SCAF1: variants seen among roughly 807,000 people sequenced by gnomAD.
The protein encoded by SCAF1 is splicing factor, arginine/serine-rich 19.
SCAF1 carries 28 observed loss-of-function variants against 91.2 expected under a neutral mutation model. The observed-to-expected ratio is 0.31, with a 90% CI of 0.23 to 0.42. The LOEUF (loss-of-function observed/expected upper bound fraction) is 0.42. Ranked by LOEUF, SCAF1 falls within the 10% of genes least tolerant of loss-of-function variation. The pLI is 1.00. For synonymous variants in SCAF1, 1,036 were observed against 833.7 expected, an observed-to-expected ratio of 1.24 and a Z score of -4.18; for missense variants, 1,893 against 1,872.1, an observed-to-expected ratio of 1.01 and a Z score of -0.21.
chr19:49,652,714 G>T lies in SCAF1; in HGVS notation c.2325G>T (p.Gly775=), dbSNP rs1382983514. The T allele has an allele frequency of 1.9e-6, 3 of 1,589,892 alleles. No individual in the cohort carries two copies. Among genetic ancestry groups the T allele is most frequent in the Non-Finnish European group, 2.6e-6 (3 of 1,168,566 alleles). ...GGTCTCGTCGGAAGGCGCTGGACGG[G>T]GGTGACCGGGATCGGGACAGGGACA... The part of the protein sequence containing the change: ...EKGSRRKALD[G]GDRDRDRDRD... The change falls in exon 7 of 11, where the codon GGG becomes GGT. Residue 775 remains glycine (G), a synonymous_variant. Transcript: ENST00000360565.
Position 49,646,090 on chromosome 19 carries a change from A to T in SCAF1, c.167-18A>T, listed in dbSNP as rs762804463. On this transcript the variant is annotated intron_variant, in intron 3 of 10. Transcript: ENST00000360565. This position sits in a 1 kb window ranked among gnomAD's most constrained non-coding sequence, Gnocchi z 5.6. ...GCAAGTCCCCTGTGTCCAATCCCCC[A>T]TGCAAATCTCTCACCAGATGGCTCT... is the stretch of plus-strand genomic sequence containing the variant. 4 of 1,608,964 alleles carry T rather than the reference A, an allele frequency of 2.5e-6. No individual in the cohort carries two copies. Among genetic ancestry groups the T allele is most frequent in the Non-Finnish European group, 3.4e-6 (4 of 1,177,562 alleles).
rs1158377220 is a variant in SCAF1, at chr19:49,654,657, C to T, written c.3405C>T (p.Leu1135=). Residue 1135 remains leucine (L), a synonymous_variant, in exon 9 of 11, where the codon CTC becomes CTT. Transcript: ENST00000360565. ...CCTCTGTCCTCGTCCCACAGATCCT[C>T]AGCCACAGAAAGCCACCCTCAAGTC... ...QELIQATNQI[L]SHRKPPSSLG... is the part of the protein sequence containing the mutation. The T allele has an allele frequency of 1.2e-6, 2 of 1,612,164 alleles. No homozygotes were observed. Among genetic ancestry groups the T allele is most frequent in the East Asian group, 2.2e-5 (1 of 44,832 alleles).
Position 49,651,850 on chromosome 19 carries a change from G to C in SCAF1, c.1461G>C (p.Leu487=). Residue 487 remains leucine, a synonymous_variant, in exon 7 of 11, where the codon CTG becomes CTC. Transcript: ENST00000360565. ...WGGLDLRRKI[L]TQRRERYRQR... ...GCCTGGACCTGCGCCGCAAGATCCT[G>C]ACCCAACGGCGGGAGCGCTACCGCC... 1 of 1,254,784 alleles carries C rather than the reference G, an allele frequency of 8.0e-7. No homozygotes were observed. The highest frequency in any genetic ancestry group is 2.1e-5 in the South Asian group (1 of 48,286). 77.7% of individuals were successfully genotyped at this position (1,254,784 alleles called of 1,614,324 possible). A position where few individuals can be genotyped will look rare whatever the true frequency, so the allele number is the denominator to read the frequency against.
chr19:49,651,741 C>T lies in SCAF1; in HGVS notation c.1352C>T (p.Ala451Val). ...PEGDDFLSLH[A>V]ESDGEGALQV... ...GGGGACGACTTCTTGTCCCTGCATG[C>T]GGAGTCGGACGGCGAGGGCGCCCTG... The change falls in exon 7 of 11, where the codon GCG becomes GTG. Residue 451 changes from alanine (A) to valine (V), a missense_variant. By Grantham distance (64) the Ala-to-Val change is moderately conservative. Around this residue, in one of 5 missense-constraint regions of SCAF1, gnomAD observed 1,436 missense variants for 1,306.8 expected, o/e 1.10. Transcript: ENST00000360565. 2 of 1,344,024 alleles carry T rather than the reference C, an allele frequency of 1.5e-6. No homozygotes were observed. Among genetic ancestry groups the T allele is most frequent in the Non-Finnish European group, 1.9e-6 (2 of 1,055,284 alleles). 83.3% of individuals were successfully genotyped at this position (1,344,024 alleles called of 1,614,324 possible).
intron 1 of SCAF1, among the ~76,000 whole-genome samples, chr19:49,643,214 T>C (rs992189366): frequency 1.3e-5 from 2 of 152,208 alleles, no homozygotes; most frequent in Non-Finnish European, 2.9e-5. Context: ...TGGAAGAGTC[T>C]GGAGGGTCAT....
Position 49,646,342 on chromosome 19 carries a change from T to TG in SCAF1, c.261+145dup, listed in dbSNP as rs901635931. ...TGACCAGGGGCAATGTTGGAGAGTC[T>TG]GGGGGCCTGATCTGTGGGCCTGAGC... On this transcript the variant is annotated intron_variant, in intron 4 of 10. Coordinates refer to ENST00000360565, the MANE Select transcript of SCAF1 (RefSeq NM_021228.3). The surrounding 1 kb of genome is among the most constrained non-coding windows in gnomAD (Gnocchi z 5.6). 5.7e-6 allele frequency: 5 copies of TG among 874,860 alleles called. No homozygotes were observed. The African/African-American group carries it at 8.5e-5, about 15-fold the overall frequency. 54.2% of individuals were successfully genotyped at this position (874,860 alleles called of 1,614,324 possible). A position where few individuals can be genotyped will look rare whatever the true frequency, so the allele number is the denominator to read the frequency against.
intron 6 of SCAF1, among the ~76,000 whole-genome samples, chr19:49,650,254 C>G (rs527257607): frequency 3.6e-4 from 55 of 152,270 alleles, no homozygotes; most frequent in African/African-American, 1.3e-3. Context: ...TCCTGGGCTC[C>G]CCAGCTCTGC....
Position 49,652,261 on chromosome 19 carries a change from C to T in SCAF1, c.1872C>T (p.Ser624=). ...CCCCGGCCACTTCCTCATCGTCGTCCTCGAGGCGCGAGCGGCACCGCGGGA... is the reference window on the plus strand; with the variant it reads ...CCCCGGCCACTTCCTCATCGTCGTCTTCGAGGCGCGAGCGGCACCGCGGGA... ...SPPPATSSSS[S]SRRERHRGKH... The change falls in exon 7 of 11, where the codon TCC becomes TCT. Residue 624 remains serine (S), a synonymous_variant. Transcript: ENST00000360565. 1 of 1,451,812 alleles carries T rather than the reference C, an allele frequency of 6.9e-7. No individual in the cohort carries two copies. The highest frequency in any genetic ancestry group is 2.8e-5 in the East Asian group (1 of 35,560). The allele number at this position is 1,451,812 out of a possible 1,614,324, so 89.9% of individuals were successfully genotyped here.
chr19:49,646,098 C>T lies in SCAF1; in HGVS notation c.167-10C>T, dbSNP rs764340783. The T allele has an allele frequency of 6.8e-6, 11 of 1,610,712 alleles. No homozygotes were observed. The highest frequency in any genetic ancestry group is 9.3e-6 in the Non-Finnish European group (11 of 1,178,764). On this transcript the variant is annotated splice_polypyrimidine_tract_variant and intron_variant, in intron 3 of 10. Coordinates refer to ENST00000360565, the MANE Select transcript of SCAF1 (RefSeq NM_021228.3). The surrounding 1 kb of genome is among the most constrained non-coding windows in gnomAD (Gnocchi z 5.6). ...CCTGTGTCCAATCCCCCATGCAAATCTCTCACCAGATGGCTCTCGGTGTCA... is the reference window on the plus strand; with the variant it reads ...CCTGTGTCCAATCCCCCATGCAAATTTCTCACCAGATGGCTCTCGGTGTCA...
chr19:49,657,528 A>G (rs933154046), intron 9 of SCAF1, among the ~76,000 whole-genome samples: 2 of 152,234 alleles, frequency 1.3e-5, no homozygotes, highest in Non-Finnish European at 2.9e-5. Context: ...GGAGCAGCCC[A>G]GGGTTCGGCC....
At chr19:49,644,890 G>A (rs2081045727) in intron 1 of SCAF1, 131 bp from the exon 2 acceptor site, 1 of 645,846 alleles carries the variant, frequency 1.5e-6, no homozygotes, top group Non-Finnish European at 2.7e-6. Context: ...GGAGGAGGTG[G>A]AGGAGAGGAG....
chr19:49,651,008 T>TGCCCGGG lies in SCAF1; in HGVS notation c.619_620insGCCCGGG (p.Ser207CysfsTer25). 1.7e-6 allele frequency: 1 copy of TGCCCGGG among 583,742 alleles called. No homozygotes were observed. 36.2% of individuals were successfully genotyped at this position (583,742 alleles called of 1,614,324 possible). ...CCCTTCTCCCTCATCTTCCTCCCCT[T>TGCCCGGG]CCCCTCCCCCACCCCCACCGCCCCC... On this transcript the variant is annotated frameshift_variant, in exon 7 of 11. Coordinates refer to ENST00000360565, the MANE Select transcript of SCAF1 (RefSeq NM_021228.3). LOFTEE classifies it high-confidence loss of function.
At chr19:49,658,081 A>G in intron 10 of SCAF1, 127 bp from the exon 11 acceptor site, 1 of 1,230,748 alleles carries the variant, frequency 8.1e-7, no homozygotes, top group Non-Finnish European at 1.1e-6. Context: ...GTCTAGGGGG[A>G]CAGAGGGACT....
rs1192563571 is a variant in SCAF1 at position 49,653,394 on chromosome 19, C to T, written c.3005C>T (p.Pro1002Leu). The change falls in exon 7 of 11, where the codon CCT becomes CTT. Residue 1002 changes from proline to leucine, a missense_variant. Coordinates refer to ENST00000360565, the MANE Select transcript of SCAF1 (RefSeq NM_021228.3). ...SQTVDSSCKT[P>L]EVSFLPEEAT... ...ACCGTGGACAGCAGCTGCAAGACAC[C>T]TGAGGTCTCCTTCCTGCCCGAGGAG... 1 of 1,540,258 alleles carries T rather than the reference C, an allele frequency of 6.5e-7. No individual in the cohort carries two copies. Among genetic ancestry groups the T allele is most frequent in the East Asian group, 2.3e-5 (1 of 43,162 alleles).
Position 49,646,789 on chromosome 19 carries a change from G to A in SCAF1, c.437G>A (p.Ser146Asn). 1 of 1,613,660 alleles carries A rather than the reference G, an allele frequency of 6.2e-7. No individual in the cohort carries two copies. The highest frequency in any genetic ancestry group is 8.5e-7 in the Non-Finnish European group (1 of 1,179,980). The part of the protein sequence containing the change: ...DRDPIPLPVP[S>N]LLPRLRAWRT... ...GATCCCATCCCTCTGCCTGTGCCCA[G>A]CCTGCTGCCCCGTCTCAGGGCCTGG... The change falls in exon 6 of 11, where the codon AGC becomes AAC. Residue 146 changes from serine (S) to asparagine (N), a missense_variant. Ser to Asn is a conservative substitution (Grantham distance 46). This residue lies in a region of SCAF1 where 270 missense variants were observed against 292.5 expected (regional missense o/e 0.92). Transcript: ENST00000360565. This position sits in a 1 kb window ranked among gnomAD's most constrained non-coding sequence, Gnocchi z 5.6.
intron 10 of SCAF1, 65 bp from the exon 11 acceptor site, chr19:49,658,143 A>G (rs1413057650): frequency 6.5e-7 from 1 of 1,529,186 alleles, no homozygotes; most frequent in African/African-American, 1.4e-5. Context: ...AGCTGCGCCC[A>G]ACAGTCCTGG....
At position 49,652,573 on chromosome 19, in the gene SCAF1, G is replaced by C; in HGVS notation, c.2184G>C (p.Arg728=). 1.3e-6 allele frequency: 2 copies of C among 1,567,434 alleles called. No individual in the cohort carries two copies. The highest frequency in any genetic ancestry group is 1.7e-6 in the Non-Finnish European group (2 of 1,154,996). ...CTGCTCCGGCCTCCTCACCTAAGCG[G>C]GAGGTCCTGTACGACTCCGAGGGAC... is the stretch of plus-strand genomic sequence containing the variant. ...PSPAPASSPK[R]EVLYDSEGLS... is the part of the protein sequence containing the mutation. Residue 728 remains arginine, a synonymous_variant, in exon 7 of 11, where the codon CGG becomes CGC. Transcript: ENST00000360565.
chr19:49,653,575 G>A lies in SCAF1; in HGVS notation c.3186G>A (p.Gly1062=). ...CCCCAAGCACTGCCCCCAGCGCGGG[G>A]TCCACAGCCGGTGACTCGGGGGCGG... The part of the protein sequence containing the change: ...AAAPSTAPSA[G]STAGDSGAED... Residue 1062 remains glycine, a synonymous_variant, in exon 7 of 11, where the codon GGG becomes GGA. Transcript: ENST00000360565. The A allele has an allele frequency of 6.3e-7, 1 of 1,589,212 alleles. No individual in the cohort carries two copies. Among genetic ancestry groups the A allele is most frequent in the Non-Finnish European group, 8.5e-7 (1 of 1,172,376 alleles).
rs753676731 is a variant in SCAF1 at position 49,651,238 on chromosome 19, CGAGGAG to C, written c.858_863del (p.Glu287_Glu288del). The stretch of plus-strand genomic sequence containing the variant: ...AGGAAGAAGAAGAGGAAGAGGAAGA[CGAGGAG>C]GAGGAGGAAGGCCTGTCCCAGAGCA... On this transcript the variant is annotated inframe_deletion, in exon 7 of 11. Coordinates refer to ENST00000360565, the MANE Select transcript of SCAF1 (RefSeq NM_021228.3). 1.2e-6 allele frequency: 2 copies of C among 1,611,992 alleles called. No individual in the cohort carries two copies. The highest frequency in any genetic ancestry group is 2.2e-5 in the South Asian group (2 of 90,980).
Sources: allele counts gnomAD v4.1 joint callset (sites outside exome capture counted in the v4.1 genomes callset), GRCh38; gene constraint gnomAD v4.1.1; regional missense constraint gnomAD v4.1.1; non-coding constraint Gnocchi (gnomAD v3.1); transcripts MANE v1.5; gene names NCBI Gene and HGNC (gene_info 2026-07-23, HGNC 2026-07-21).